The following SYN2 variants were observed in gnomAD, a reference collection of about 807,000 sequenced individuals.
The protein encoded by SYN2 is synapsin II, also known as synapsin-2.
Under a neutral mutation model 50.9 loss-of-function variants are expected in SYN2, and 19 were observed. The observed-to-expected ratio is 0.37, with a 90% CI of 0.26 to 0.55. The LOEUF (loss-of-function observed/expected upper bound fraction) is 0.55, where lower values mean the gene tolerates loss of function less well. Ranked by LOEUF, SYN2 falls within the 20% of genes least tolerant of loss-of-function variation. The probability of loss-of-function intolerance (pLI) is 0.81; values close to 1 mark genes in which losing one functional copy is unlikely to be tolerated. For missense variants in SYN2, 587 were observed against 576.4 expected (o/e 1.02, Z -0.19); for synonymous variants, 255 against 224.9 (o/e 1.13, Z -1.20).
intron 5 of SYN2, chr3:12,156,668 G>A (rs866145439): frequency 1.0e-5 from 6 of 585,682 alleles, no homozygotes; most frequent in Middle Eastern, 6.6e-4. Context: ...CTAACCCAGA[G>A]GTTGTCTGTC....
At chr3:12,041,403 C>T (rs1433329205) in intron 1 of SYN2, among the ~76,000 whole-genome samples, 2 of 152,162 alleles carry the variant, frequency 1.3e-5, no homozygotes, top group African/African-American at 4.8e-5. Flanking sequence ...TAGAGCTTGC[C>T]TCTGTGTCCT....
At chr3:12,184,149 A>G in intron 11 of SYN2, 1 of 985,888 alleles carries the variant, frequency 1.0e-6, no homozygotes, top group Non-Finnish European at 1.2e-6. Context: ...TATTTCCAGG[A>G]ATGTGTTCTG....
At chr3:12,168,309 G>C in intron 8 of SYN2, 67 bp from the exon 9 acceptor site, 2 of 1,342,796 alleles carry the variant, frequency 1.5e-6, no homozygotes, top group Non-Finnish European at 2.1e-6. Flanking sequence ...AGGAGAGCCT[G>C]ACTGGCAAGC....
chr3:12,011,281 T>A (rs561204260), intron 1 of SYN2, among the ~76,000 whole-genome samples: 1 of 152,374 alleles, frequency 6.6e-6, no homozygotes, highest in Non-Finnish European at 1.5e-5. Context: ...CCTAATTTTT[T>A]TTAGCTTCCC....
intron 1 of SYN2, among the ~76,000 whole-genome samples, chr3:12,014,502 T>C (rs1434366512): frequency 6.6e-6 from 1 of 152,194 alleles, no homozygotes; most frequent in Non-Finnish European, 1.5e-5. Flanking sequence ...GAGAGAGCCA[T>C]AGCAGCCCAC....
rs1693735839 is a variant in SYN2 at position 12,004,451 on chromosome 3, G to C, written c.-101G>C. On this transcript the variant is annotated 5_prime_UTR_variant, in exon 1 of 13. Transcript: ENST00000621198. ...CTGAGTCTCTGCTGGCTAAGCCGCC[G>C]CCTCAGCCGCCTCAGTCGCCTCAAT... The C allele has an allele frequency of 3.6e-6, 1 of 281,688 alleles. No individual in the cohort carries two copies. The highest frequency in any genetic ancestry group is 7.0e-6 in the Non-Finnish European group (1 of 142,166). 17.4% of individuals were successfully genotyped at this position (281,688 alleles called of 1,614,324 possible).
At chr3:12,118,209 C>T (rs1696477489) in intron 1 of SYN2, among the ~76,000 whole-genome samples, 1 of 152,194 alleles carries the variant, frequency 6.6e-6, no homozygotes, top group Non-Finnish European at 1.5e-5. Flanking sequence ...GCCTAACTTT[C>T]AGGGCTGGAG....
chr3:12,148,183 T>G (rs1275535057), intron 4 of SYN2, among the ~76,000 whole-genome samples: 1 of 151,978 alleles, frequency 6.6e-6, no homozygotes, highest in Non-Finnish European at 1.5e-5. Flanking sequence ...GCAGGAAGAA[T>G]GGGGAGAGCC....
At chr3:12,059,545 A>T (rs1199077790) in intron 1 of SYN2, among the ~76,000 whole-genome samples, 1 of 151,928 alleles carries the variant, frequency 6.6e-6, no homozygotes, top group African/African-American at 2.4e-5. Context: ...CCTTTATCTG[A>T]GGTCTGTGTG....
chr3:12,079,099 TGCTA>T (rs1359480671), intron 1 of SYN2, among the ~76,000 whole-genome samples: 1 of 152,210 alleles, frequency 6.6e-6, no homozygotes, highest in Non-Finnish European at 1.5e-5. Flanking sequence ...TTTGGCTCTC[TGCTA>T]GCCTGTTGTT....
intron 1 of SYN2, among the ~76,000 whole-genome samples, chr3:12,074,042 C>T (rs1695418626): frequency 6.6e-6 from 1 of 152,068 alleles, no homozygotes; most frequent in Admixed American, 6.5e-5. Context: ...CATACATGTT[C>T]CAGAGTAGTT....
Position 12,168,490 on chromosome 3 carries a change from C to T in SYN2, c.1158+12C>T, listed in dbSNP as rs1371783798. ...ACTACATTTTTGAGGTAAGTCTGGA[C>T]CAAGCAGTAAGAGGTAACTCCTAAG... On this transcript the variant is annotated intron_variant, in intron 9 of 12. Transcript: ENST00000621198. The T allele has an allele frequency of 6.2e-7, 1 of 1,609,908 alleles. No individual in the cohort carries two copies.
chr3:12,120,615 C>G (rs545082792), intron 1 of SYN2, among the ~76,000 whole-genome samples: 12 of 152,280 alleles, frequency 7.9e-5, no homozygotes, highest in African/African-American at 2.9e-4. Flanking sequence ...GGTTTTGGGG[C>G]CTTCCAAGCC....
chr3:12,178,671 G>A (rs1044798593), intron 10 of SYN2, among the ~76,000 whole-genome samples: 2 of 152,200 alleles, frequency 1.3e-5, no homozygotes, highest in African/African-American at 4.8e-5. Flanking sequence ...ACTGATGCAC[G>A]AAATTCTAAC....
chr3:12,141,790 G>C (rs1697024916), intron 2 of SYN2, 115 bp from the exon 3 acceptor site: 5 of 675,468 alleles, frequency 7.4e-6, no homozygotes, highest in African/African-American at 1.8e-5. Flanking sequence ...CTCAGTATGT[G>C]AACATGTTTT....
chr3:12,004,944 C>G lies in SYN2; in HGVS notation c.377+16C>G, dbSNP rs971406532. On this transcript the variant is annotated intron_variant, in intron 1 of 12. Coordinates refer to ENST00000621198, the MANE Select transcript of SYN2 (RefSeq NM_133625.6). ...ACGCCGACTGGTAGGTGCCGGGCGC[C>G]GCCGCCCTCGGGGGTCGGGGTCCGC... 7.7e-6 allele frequency: 4 copies of G among 519,838 alleles called. No homozygotes were observed. Among genetic ancestry groups the G allele is most frequent in the Non-Finnish European group, 1.3e-5 (4 of 296,802 alleles). The allele number at this position is 519,838 out of a possible 1,614,324, so 32.2% of individuals were successfully genotyped here.
At chr3:12,071,115 A>G (rs2125168415) in intron 1 of SYN2, 2 of 560,950 alleles carry the variant, frequency 3.6e-6, no homozygotes, top group Non-Finnish European at 7.2e-6. Context: ...GCAAAGACCT[A>G]CATGCCAACA....
chr3:12,022,500 C>T (rs1451613992), intron 1 of SYN2, among the ~76,000 whole-genome samples: 4 of 152,002 alleles, frequency 2.6e-5, no homozygotes, highest in African/African-American at 4.8e-5. Flanking sequence ...CTTTGCCTCT[C>T]GGATTCAAGT....
chr3:12,101,780 G>A (rs548256667), intron 1 of SYN2, among the ~76,000 whole-genome samples: 138 of 152,240 alleles, frequency 9.1e-4, no homozygotes, highest in African/African-American at 3.2e-3. Flanking sequence ...ATTTACAGAG[G>A]TGAGACTGAA....
Sources: gnomAD v4.1 joint callset for allele counts (sites outside exome capture counted in the v4.1 genomes callset) on GRCh38, gnomAD v4.1.1 for gene constraint, MANE v1.5 for transcripts, NCBI Gene and HGNC (gene_info 2026-07-23, HGNC 2026-07-21) for gene names.